The following TAFA2 variants were observed in gnomAD, a reference collection of about 807,000 sequenced individuals.
The protein encoded by TAFA2 is chemokine-like protein TAFA-2.
Under a neutral mutation model 18.8 loss-of-function variants are expected in TAFA2, and 7 were observed. The observed-to-expected ratio is 0.37, with a 90% CI of 0.21 to 0.70. The LOEUF (loss-of-function observed/expected upper bound fraction) is 0.70. Ranked by LOEUF, TAFA2 falls within the 30% of genes least tolerant of loss-of-function variation. TAFA2 has a pLI of 0.53. For missense variants in TAFA2, 122 were observed against 158.1 expected (o/e 0.77, Z 1.23); for synonymous variants, 60 against 54.2 (o/e 1.11, Z -0.47).
At chr12:61,764,125 C>T (rs1408568402) in intron 2 of TAFA2, among the ~76,000 whole-genome samples, 1 of 151,920 alleles carries the variant, frequency 6.6e-6, no homozygotes, top group East Asian at 1.9e-4. Flanking sequence ...AGTCACACCT[C>T]CTACATTTAC....
At chr12:61,945,419 C>T (rs1234074079) in intron 1 of TAFA2, among the ~76,000 whole-genome samples, 41 of 108,530 alleles carry the variant, frequency 3.8e-4, no homozygotes, top group African/African-American at 1.6e-3. Flanking sequence ...CCTCTCTCAC[C>T]GCTCCTATTC....
chr12:61,886,505 G>A (rs1001348536), intron 1 of TAFA2, among the ~76,000 whole-genome samples: 2 of 152,004 alleles, frequency 1.3e-5, no homozygotes, highest in African/African-American at 4.8e-5. Context: ...AATACTCTGG[G>A]CTGTATTGCT....
chr12:61,956,155 C>CA (rs5798624), intron 1 of TAFA2, among the ~76,000 whole-genome samples: 49,958 of 151,790 alleles, frequency 0.33, 9,641 homozygotes, highest in Non-Finnish European at 0.43. Context: ...ATAGCAGAGT[C>CA]AAAAAACTCC....
chr12:62,048,916 AC>A (rs1298437323), intron 1 of TAFA2, among the ~76,000 whole-genome samples: 1 of 152,190 alleles, frequency 6.6e-6, no homozygotes, highest in Admixed American at 6.5e-5. Flanking sequence ...CAAAGATTAA[AC>A]AATTTAGACA....
At chr12:62,243,130 C>G (rs2062870396) in intron 1 of TAFA2, among the ~76,000 whole-genome samples, 1 of 152,010 alleles carries the variant, frequency 6.6e-6, no homozygotes, top group African/African-American at 2.4e-5. Flanking sequence ...AATGAAAATA[C>G]CTGTAGTTAT....
At chr12:61,864,634 G>A (rs1233226869) in intron 2 of TAFA2, among the ~76,000 whole-genome samples, 5 of 151,516 alleles carry the variant, frequency 3.3e-5, no homozygotes, top group Non-Finnish European at 2.9e-5. Flanking sequence ...TTAGTCGGGC[G>A]TGGTGGTGGG....
chr12:62,201,902 T>C (rs903790790), intron 1 of TAFA2, among the ~76,000 whole-genome samples: 1 of 152,242 alleles, frequency 6.6e-6, no homozygotes, highest in African/African-American at 2.4e-5. Context: ...TATTTATTAT[T>C]GCCTCAATTT....
intron 1 of TAFA2, among the ~76,000 whole-genome samples, chr12:62,010,147 C>T (rs1423528908): frequency 1.3e-5 from 2 of 151,382 alleles, no homozygotes; most frequent in African/African-American, 4.9e-5. Flanking sequence ...CCCTCTCCCT[C>T]TCCCTCTCCC....
chr12:61,946,025 C>A (rs1474629971), intron 1 of TAFA2, among the ~76,000 whole-genome samples: 2 of 118,312 alleles, frequency 1.7e-5, no homozygotes, highest in Non-Finnish European at 3.4e-5. Context: ...AAGAACAAAG[C>A]TGGAGGCATC....
At chr12:61,924,863 C>T (rs1877210639) in intron 1 of TAFA2, among the ~76,000 whole-genome samples, 1 of 152,130 alleles carries the variant, frequency 6.6e-6, no homozygotes, top group Non-Finnish European at 1.5e-5. Context: ...CAAAGACACA[C>T]ATAGGCTCAA....
intron 1 of TAFA2, among the ~76,000 whole-genome samples, chr12:62,103,516 T>C (rs1869300872): frequency 1.3e-5 from 2 of 152,088 alleles, no homozygotes; most frequent in South Asian, 2.1e-4. Flanking sequence ...CTGAGGCAGA[T>C]GGATCACCTG....
chr12:61,999,424 G>C (rs949383752), intron 1 of TAFA2, among the ~76,000 whole-genome samples: 1 of 152,176 alleles, frequency 6.6e-6, no homozygotes, highest in Non-Finnish European at 1.5e-5. Flanking sequence ...GAGTTTTAAA[G>C]TCTTGCATAA....
chr12:61,863,331 C>G (rs1051926040), intron 2 of TAFA2, among the ~76,000 whole-genome samples: 1 of 152,198 alleles, frequency 6.6e-6, no homozygotes, highest in Admixed American at 6.5e-5. Flanking sequence ...ATTAGGTATA[C>G]AGATGATCCA....
At chr12:61,924,817 G>C (rs760434680) in intron 1 of TAFA2, among the ~76,000 whole-genome samples, 1 of 152,086 alleles carries the variant, frequency 6.6e-6, no homozygotes, top group South Asian at 2.1e-4. Flanking sequence ...GTCAAGATCC[G>C]TCAGTGTGCT....
rs529877270 is a variant in TAFA2, at chr12:61,881,257, T to A, written c.-1-13831A>T. ...GTTATGCATTGCTCAGTAATCAGGA[T>A]ACATTCTGAGAAATGCATCATTGGG... On this transcript the variant is annotated intron_variant, in intron 1 of 4. Coordinates refer to ENST00000416284, the MANE Select transcript of TAFA2 (RefSeq NM_178539.5). Among the ~76,000 whole-genome samples the A allele has an allele frequency of 7.2e-4, 110 of 152,290 alleles. 1 individual carries two copies. Among genetic ancestry groups the A allele is most frequent in the African/African-American group, 2.5e-3 (106 of 41,574 alleles).
At chr12:61,883,231 T>G (rs773321290) in intron 1 of TAFA2, among the ~76,000 whole-genome samples, 16 of 152,184 alleles carry the variant, frequency 1.1e-4, no homozygotes, top group Non-Finnish European at 1.8e-4. Flanking sequence ...AATGTATTGT[T>G]TTTCATTAAT....
chr12:62,071,618 G>T (rs1426387223), intron 1 of TAFA2, among the ~76,000 whole-genome samples: 1 of 152,146 alleles, frequency 6.6e-6, no homozygotes, highest in Non-Finnish European at 1.5e-5. Flanking sequence ...ACTTCTCCAT[G>T]GAGGGATGTA....
At chr12:61,902,005 C>G (rs2124537) in intron 1 of TAFA2, among the ~76,000 whole-genome samples, 82,263 of 150,958 alleles carry the variant, frequency 0.54, 23,719 homozygotes, top group African/African-American at 0.74. Context: ...GCTAGCTATA[C>G]CTGTGGATAC....
At chr12:62,024,870 A>G (rs936834604) in intron 1 of TAFA2, among the ~76,000 whole-genome samples, 2 of 152,138 alleles carry the variant, frequency 1.3e-5, no homozygotes, top group Non-Finnish European at 2.9e-5. Context: ...GCTCAACACC[A>G]CTAATCATCA....
Sources: allele counts gnomAD v4.1 joint callset (sites outside exome capture counted in the v4.1 genomes callset), GRCh38; gene constraint gnomAD v4.1.1; transcripts MANE v1.5; gene names NCBI Gene and HGNC (gene_info 2026-07-23, HGNC 2026-07-21).